Variants in CNEP1R1 observed in about 807,000 individuals in gnomAD.
CNEP1R1 encodes CTD nuclear envelope phosphatase 1 regulatory subunit 1.
Under a neutral mutation model 22.7 loss-of-function variants are expected in CNEP1R1, and 10 were observed. The ratio of observed to expected loss-of-function variants is 0.44; its 90% CI spans 0.27 to 0.75. The LOEUF is 0.75. CNEP1R1 is among the 30% of genes least tolerant of loss of function. The pLI is 0.17. For synonymous variants in CNEP1R1, 53 were observed against 50.1 expected (o/e 1.06, Z -0.25); for missense variants, 73 against 151.5 (o/e 0.48, Z 2.72).
intron 1 of CNEP1R1, chr16:50,025,562 C>T (rs1440730431): frequency 2.2e-6 from 3 of 1,346,804 alleles, no homozygotes; most frequent in East Asian, 2.3e-5. Flanking sequence ...GACCTCCTCG[C>T]CAGCTTCTAT....
chr16:50,036,737 A>G lies in CNEP1R1; in HGVS notation c.*1279A>G, dbSNP rs1235108035. The G allele has an allele frequency of 1.3e-5, 2 of 152,646 alleles. No individual in the cohort carries two copies. Among genetic ancestry groups the G allele is most frequent in the Non-Finnish European group, 2.9e-5 (2 of 68,036 alleles). The allele number at this position is 152,646 out of a possible 1,614,324, so 9.5% of individuals were successfully genotyped here. A position where few individuals can be genotyped will look rare whatever the true frequency, so the allele number is the denominator to read the frequency against. ...CTATAATAGCCCTTAAAATTAAACT[A>G]TTGGGATTGCTGTAAATATTTTAAA... On this transcript the variant is annotated 3_prime_UTR_variant, in exon 6 of 6. Coordinates refer to ENST00000427478, the MANE Select transcript of CNEP1R1 (RefSeq NM_001281789.2).
chr16:50,034,604 AAGT>A (rs2036260320), intron 5 of CNEP1R1: 1 of 164,206 alleles, frequency 6.1e-6, no homozygotes, highest in Admixed American at 6.3e-5. Context: ...GTGTTTTTAA[AAGT>A]AGATGATGGG....
At position 50,025,268 on chromosome 16, in the gene CNEP1R1, G is replaced by A. The variant is rs1253226114; in HGVS notation, c.-48G>A. 3 of 1,388,944 alleles carry A rather than the reference G, an allele frequency of 2.2e-6. No homozygotes were observed. The highest frequency in any genetic ancestry group is 2.8e-6 in the Non-Finnish European group (3 of 1,077,154). The allele number at this position is 1,388,944 out of a possible 1,614,324, so 86.0% of individuals were successfully genotyped here. A position where few individuals can be genotyped will look rare whatever the true frequency, so the allele number is the denominator to read the frequency against. The stretch of plus-strand genomic sequence containing the variant: ...TGCGGGCCGGGCGGGGGCCGCGGAA[G>A]CTGCGATGCGGACAGGGCAGCGGCG... On this transcript the variant is annotated 5_prime_UTR_variant, in exon 1 of 6. Transcript: ENST00000427478.
In CNEP1R1 at chr16:50,033,515, T is replaced by C. The variant is rs1271726529; in HGVS notation, c.281+9T>C. ...GTAGTTGCACCATCAATGTATCCTT[T>C]ACCAAGGATTAAATTCCATTCTCTG... On this transcript the variant is annotated intron_variant, in intron 4 of 5. Coordinates refer to ENST00000427478, the MANE Select transcript of CNEP1R1 (RefSeq NM_001281789.2). The C allele has an allele frequency of 1.5e-6, 2 of 1,361,390 alleles. No individual in the cohort carries two copies. The highest frequency in any genetic ancestry group is 1.7e-5 in the Admixed American group (1 of 57,434). The allele number at this position is 1,361,390 out of a possible 1,614,324, so 84.3% of individuals were successfully genotyped here.
intron 3 of CNEP1R1, among the ~76,000 whole-genome samples, chr16:50,032,020 C>T (rs553046610): frequency 2.6e-5 from 4 of 152,322 alleles, no homozygotes; most frequent in African/African-American, 9.6e-5. Context: ...TTAACTTTTC[C>T]TTGGGTCATC....
At chr16:50,032,229 T>G (rs575265032) in intron 3 of CNEP1R1, among the ~76,000 whole-genome samples, 6 of 152,276 alleles carry the variant, frequency 3.9e-5, no homozygotes, top group African/African-American at 1.4e-4. Flanking sequence ...CTAATCCACT[T>G]GATTTCTTTC....
intron 5 of CNEP1R1, 158 bp downstream of exon 5, chr16:50,034,314 A>C: frequency 1.7e-6 from 1 of 587,562 alleles, no homozygotes; most frequent in Admixed American, 2.8e-5. Context: ...TTTACATTTA[A>C]CATCTTTGGC....
intron 4 of CNEP1R1, 39 bp downstream of exon 4, chr16:50,033,545 G>C: frequency 8.7e-7 from 1 of 1,143,136 alleles, no homozygotes; most frequent in Non-Finnish European, 1.3e-6. Flanking sequence ...TCTCTGAAGT[G>C]CTTTGTTGAT....
At chr16:50,025,629 T>A (rs532712316) in intron 1 of CNEP1R1, 1 of 1,607,550 alleles carries the variant, frequency 6.2e-7, no homozygotes, top group African/African-American at 1.3e-5. Flanking sequence ...GCCTGCTAAT[T>A]CATTTCATTT....
chr16:50,027,270 T>G (rs8044324), intron 2 of CNEP1R1, among the ~76,000 whole-genome samples: 10 of 151,792 alleles, frequency 6.6e-5, no homozygotes, highest in Admixed American at 3.3e-4. Context: ...AACACTTTGG[T>G]AGGCCGAGGC....
chr16:50,025,879 C>T (rs1597115684), intron 1 of CNEP1R1: 1 of 600,370 alleles, frequency 1.7e-6, no homozygotes, highest in South Asian at 2.0e-5. Context: ...TTTCCACACC[C>T]ACTCGCTATC....
chr16:50,031,178 C>T (rs1003320544), intron 3 of CNEP1R1, among the ~76,000 whole-genome samples: 1 of 152,152 alleles, frequency 6.6e-6, no homozygotes, highest in African/African-American at 2.4e-5. Flanking sequence ...CTTTCAGTAG[C>T]TCTATTTGTA....
intron 1 of CNEP1R1, chr16:50,026,186 T>G: frequency 2.2e-6 from 1 of 463,730 alleles, no homozygotes; most frequent in Non-Finnish European, 3.8e-6. Flanking sequence ...TATGAGAAAT[T>G]GGAATTAAAG....
intron 2 of CNEP1R1, among the ~76,000 whole-genome samples, chr16:50,028,884 A>C (rs1159793733): frequency 6.6e-6 from 1 of 151,992 alleles, no homozygotes; most frequent in Admixed American, 6.6e-5. Context: ...TTTTTTCTTT[A>C]GTTTACGTCT....
intron 3 of CNEP1R1, among the ~76,000 whole-genome samples, chr16:50,030,757 A>G (rs141401773): frequency 1.6e-4 from 24 of 152,350 alleles, no homozygotes; most frequent in African/African-American, 5.3e-4. Flanking sequence ...CATTGCCTGT[A>G]AGATAACACA....
Position 50,025,261 on chromosome 16 carries a change from C to A in CNEP1R1, c.-55C>A. On this transcript the variant is annotated 5_prime_UTR_variant, in exon 1 of 6. Coordinates refer to ENST00000427478, the MANE Select transcript of CNEP1R1 (RefSeq NM_001281789.2). ...TTGGCGCTGCGGGCCGGGCGGGGGC[C>A]GCGGAAGCTGCGATGCGGACAGGGC... The A allele has an allele frequency of 7.2e-7, 1 of 1,384,044 alleles. No individual in the cohort carries two copies. 85.7% of individuals were successfully genotyped at this position (1,384,044 alleles called of 1,614,324 possible).
At chr16:50,028,061 GA>G (rs2144273540) in intron 2 of CNEP1R1, among the ~76,000 whole-genome samples, 1 of 152,266 alleles carries the variant, frequency 6.6e-6, no homozygotes, top group African/African-American at 2.4e-5. Flanking sequence ...GGGTTCAAGT[GA>G]TTCTCCTGCC....
At chr16:50,027,013 TACA>T (rs2036190426) in intron 2 of CNEP1R1, among the ~76,000 whole-genome samples, 1 of 152,122 alleles carries the variant, frequency 6.6e-6, no homozygotes. Flanking sequence ...TTTGAATTAT[TACA>T]GTTTTGATAA....
chr16:50,026,322 G>A (rs2036182728), intron 1 of CNEP1R1, 74 bp from the exon 2 acceptor site: 1 of 1,041,334 alleles, frequency 9.6e-7, no homozygotes, highest in South Asian at 1.4e-5. Context: ...TCGTCTTAAT[G>A]TTAGGTAAAT....
Sources: allele counts gnomAD v4.1 joint callset (sites outside exome capture counted in the v4.1 genomes callset), GRCh38; gene constraint gnomAD v4.1.1; transcripts MANE v1.5; gene names NCBI Gene and HGNC (gene_info 2026-07-23, HGNC 2026-07-21).